PRDM5: variants seen among roughly 807,000 people sequenced by gnomAD.
PRDM5 encodes PR/SET domain 5.
Under a neutral mutation model 81.2 loss-of-function variants are expected in PRDM5, and 56 were observed. The observed-to-expected ratio is 0.69, with a 90% confidence interval of 0.56 to 0.86. The LOEUF is 0.86. Among genes scored for constraint, PRDM5 ranks in the 40% least tolerant of loss-of-function variants. The pLI is 0.00. For missense variants in PRDM5, 697 were observed against 770.1 expected (o/e 0.91, Z 1.12); for synonymous variants, 267 against 256.4 (o/e 1.04, Z -0.39).
intron 14 of PRDM5, among the ~76,000 whole-genome samples, chr4:120,718,083 G>C (rs1206831249): frequency 6.6e-6 from 1 of 152,264 alleles, no homozygotes; most frequent in Middle Eastern, 3.4e-3. Flanking sequence ...TTAGGAGAAG[G>C]TTCAACTTGC....
intron 3 of PRDM5, among the ~76,000 whole-genome samples, chr4:120,825,961 G>C (rs1370652308): frequency 6.6e-6 from 1 of 152,026 alleles, no homozygotes; most frequent in African/African-American, 2.4e-5. Flanking sequence ...GGCAAACTAG[G>C]ATAGTTGGAT....
chr4:120,701,902 A>G (rs1874442), intron 15 of PRDM5, among the ~76,000 whole-genome samples: 131,365 of 152,194 alleles, frequency 0.86, 56,886 homozygotes, highest in East Asian at 0.91. Flanking sequence ...CTGCTGCAAT[A>G]TACATCTCTT....
intron 15 of PRDM5, among the ~76,000 whole-genome samples, chr4:120,702,081 A>G (rs56029376): frequency 0.022 from 3,313 of 152,262 alleles, 90 homozygotes; most frequent in Middle Eastern, 0.075. Context: ...GCAAGCATGC[A>G]AGTAATGCCT....
chr4:120,799,069 T>C (rs1751748790), intron 9 of PRDM5, among the ~76,000 whole-genome samples: 1 of 152,180 alleles, frequency 6.6e-6, no homozygotes, highest in Non-Finnish European at 1.5e-5. Context: ...TATCTTAAAC[T>C]CTAGAGACTC....
chr4:120,824,346 T>C (rs569321129), intron 3 of PRDM5, among the ~76,000 whole-genome samples: 14 of 152,200 alleles, frequency 9.2e-5, no homozygotes, highest in Admixed American at 9.2e-4. Flanking sequence ...GTTATTCCCT[T>C]GAGCACAGTC....
At chr4:120,904,208 A>AAAAAAAAAC (rs1410008827) in intron 2 of PRDM5, among the ~76,000 whole-genome samples, 1 of 147,564 alleles carries the variant, frequency 6.8e-6, no homozygotes, top group Admixed American at 6.8e-5. Context: ...AAAAAAAACA[A>AAAAAAAAAC]AAAAACCTCC....
chr4:120,777,333 A>G, intron 12 of PRDM5, 52 bp from the exon 13 acceptor site: 1 of 1,611,546 alleles, frequency 6.2e-7, no homozygotes, highest in South Asian at 1.1e-5. Context: ...AATTAGGTAA[A>G]GATGATTAAA....
At chr4:120,840,028 G>A (rs969689040) in intron 3 of PRDM5, among the ~76,000 whole-genome samples, 5 of 152,192 alleles carry the variant, frequency 3.3e-5, no homozygotes, top group Non-Finnish European at 7.4e-5. Flanking sequence ...GCCAGGGAGC[G>A]GGAGCAGGCA....
At chr4:120,806,595 G>C (rs71621750) in intron 8 of PRDM5, among the ~76,000 whole-genome samples, 1 of 152,122 alleles carries the variant, frequency 6.6e-6, no homozygotes, top group Admixed American at 6.5e-5. Flanking sequence ...ACAAGAAATG[G>C]GGAAAGGATT....
rs1470343662 is a variant in PRDM5, at chr4:120,896,619, C to G, written c.177+10855G>C. The G allele has an allele frequency of 2.0e-5, 3 of 151,566 alleles. No homozygotes were observed. In the East Asian group the frequency reaches 5.8e-4, roughly 29 times the overall value. The allele number at this position is 151,566 out of a possible 1,614,324, so 9.4% of individuals were successfully genotyped here. ...TCACTGGCTTGTTTGTAAAGTCTGT[C>G]TATTTCAATTTGTGCAACATCCCTG... On this transcript the variant is annotated intron_variant, in intron 2 of 15. Transcript: ENST00000264808.
At chr4:120,773,270 T>C (rs1282283494) in intron 13 of PRDM5, among the ~76,000 whole-genome samples, 1 of 152,098 alleles carries the variant, frequency 6.6e-6, no homozygotes, top group Non-Finnish European at 1.5e-5. Context: ...GAAGTGAGCC[T>C]GTCATTGAAA....
chr4:120,849,839 T>G (rs939250388), intron 3 of PRDM5, among the ~76,000 whole-genome samples: 1 of 152,118 alleles, frequency 6.6e-6, no homozygotes, highest in Non-Finnish European at 1.5e-5. Context: ...CTATGGAGCT[T>G]AAGGATATTT....
intron 2 of PRDM5, among the ~76,000 whole-genome samples, chr4:120,861,439 G>A (rs1248889018): frequency 6.6e-6 from 1 of 152,090 alleles, no homozygotes; most frequent in Non-Finnish European, 1.5e-5. Flanking sequence ...AGAGTTGGTG[G>A]TCATACATAA....
downstream of PRDM5, among the ~76,000 whole-genome samples, chr4:120,688,832 T>C (rs1733933183): frequency 6.6e-6 from 1 of 152,314 alleles, no homozygotes; most frequent in Middle Eastern, 3.4e-3. Context: ...CCTGTACATA[T>C]CTGTTTTTAT....
At chr4:120,691,643 A>C (rs1734058081), downstream of PRDM5, among the ~76,000 whole-genome samples, 1 of 152,090 alleles carries the variant, frequency 6.6e-6, no homozygotes, top group African/African-American at 2.4e-5. Context: ...CTTAGTGATG[A>C]TCCTTTTCAC....
intron 14 of PRDM5, chr4:120,731,592 A>G (rs1221203053): frequency 1.3e-5 from 2 of 152,132 alleles, no homozygotes; most frequent in African/African-American, 4.8e-5. Context: ...AGCTTAAGAA[A>G]AGATGATAAT....
At chr4:120,707,820 A>G (rs1019674696) in intron 15 of PRDM5, among the ~76,000 whole-genome samples, 2 of 152,144 alleles carry the variant, frequency 1.3e-5, no homozygotes, top group Non-Finnish European at 2.9e-5. Flanking sequence ...AAAACCTCTT[A>G]AAAAGACAAT....
chr4:120,722,930 T>A (rs1738845079), intron 14 of PRDM5, among the ~76,000 whole-genome samples: 1 of 152,198 alleles, frequency 6.6e-6, no homozygotes, highest in African/African-American at 2.4e-5. Context: ...ACGACCCTGT[T>A]GAGCTATTAA....
At position 120,885,134 on chromosome 4, in the gene PRDM5, C is replaced by CAAAA. The variant is rs60623556; in HGVS notation, c.177+22336_177+22339dup. Among the ~76,000 whole-genome samples, 173 of 50,674 alleles carry CAAAA rather than the reference C, an allele frequency of 3.4e-3. 5 individuals carry two copies. The highest frequency in any genetic ancestry group is 8.2e-3 in the African/African-American group (121 of 14,830). The allele number at this position is 50,674 out of a possible 152,430, so 33.2% of individuals were successfully genotyped here. ...TGGGCGACAGAGCAAGACTCCGTAT[C>CAAAA]AAAAAAAAAAAAAAAAAAAAAAGTA... On this transcript the variant is annotated intron_variant, in intron 2 of 15. Coordinates refer to ENST00000264808, the MANE Select transcript of PRDM5 (RefSeq NM_018699.4).
Sources: allele counts gnomAD v4.1 joint callset (sites outside exome capture counted in the v4.1 genomes callset), GRCh38; gene constraint gnomAD v4.1.1; transcripts MANE v1.5; gene names NCBI Gene and HGNC (gene_info 2026-07-23, HGNC 2026-07-21).